The following CSMD2 variants were observed in gnomAD, a reference collection of about 807,000 sequenced individuals.
The protein encoded by CSMD2 is CUB and Sushi multiple domains 2.
In CSMD2, 130 loss-of-function variants were observed where a neutral mutation model predicts 398.5. The observed-to-expected ratio is 0.33, with a 90% CI of 0.28 to 0.38. The LOEUF (loss-of-function observed/expected upper bound fraction) is 0.38. CSMD2 is among the 10% of genes least tolerant of loss of function. CSMD2 has a pLI of 1.00. For synonymous variants in CSMD2, 1,828 were observed against 1,908.5 expected (o/e 0.96, Z 1.10); for missense variants, 3,829 against 4,764.9 (o/e 0.80, Z 5.78).
At chr1:34,098,073 C>T (rs1659549848) in intron 1 of CSMD2, among the ~76,000 whole-genome samples, 1 of 86,280 alleles carries the variant, frequency 1.2e-5, no homozygotes, top group Non-Finnish European at 2.2e-5. Flanking sequence ...CCATGGAATA[C>T]TATGCAGCCA....
At chr1:33,597,908 G>A (rs1639944921) in intron 44 of CSMD2, among the ~76,000 whole-genome samples, 1 of 152,226 alleles carries the variant, frequency 6.6e-6, no homozygotes, top group Non-Finnish European at 1.5e-5. Flanking sequence ...TGAGTTAAGT[G>A]CAGTCACGTG....
chr1:33,816,577 C>G (rs1218174317), intron 9 of CSMD2, among the ~76,000 whole-genome samples: 1 of 152,180 alleles, frequency 6.6e-6, no homozygotes, highest in Non-Finnish European at 1.5e-5. Flanking sequence ...TAAAATAAGT[C>G]TGAAAAGCTC....
chr1:33,634,802 C>T (rs2148912747), intron 31 of CSMD2, among the ~76,000 whole-genome samples: 1 of 152,240 alleles, frequency 6.6e-6, no homozygotes, highest in East Asian at 1.9e-4. Flanking sequence ...TGGTCTCCCT[C>T]ACCTGCACTT....
chr1:33,650,225 C>T lies in CSMD2; in HGVS notation c.4586+2098G>A, dbSNP rs555695606. The stretch of plus-strand genomic sequence containing the variant: ...CAAGGACATGGGGACATGTAAGACA[C>T]CACTTCTGCCTTCAAAAATTGATGG... On this transcript the variant is annotated intron_variant, in intron 28 of 70. Transcript: ENST00000373381. Among the ~76,000 whole-genome samples, 20 of 152,284 alleles carry T rather than the reference C, an allele frequency of 1.3e-4. No homozygotes were observed. The South Asian group carries it at 2.1e-3, about 16-fold the overall frequency.
intron 9 of CSMD2, among the ~76,000 whole-genome samples, chr1:33,812,077 G>T (rs1290621420): frequency 2.0e-5 from 3 of 152,184 alleles, no homozygotes; most frequent in African/African-American, 7.2e-5. Context: ...GCAGCTCCTA[G>T]ACATAATGAA....
At chr1:33,907,929 A>G (rs1410769551) in intron 5 of CSMD2, among the ~76,000 whole-genome samples, 1 of 152,060 alleles carries the variant, frequency 6.6e-6, no homozygotes, top group Non-Finnish European at 1.5e-5. Flanking sequence ...TCTCCTAAAA[A>G]TACAAAAATT....
At chr1:34,115,440 A>T (rs1360571315) in intron 1 of CSMD2, among the ~76,000 whole-genome samples, 1 of 152,158 alleles carries the variant, frequency 6.6e-6, no homozygotes, top group Non-Finnish European at 1.5e-5. Context: ...AAGAGGTGAT[A>T]TATTCAAAGT....
intron 43 of CSMD2, 56 bp downstream of exon 43, chr1:33,602,313 G>A (rs1279640532): frequency 1.3e-6 from 2 of 1,583,044 alleles, no homozygotes; most frequent in African/African-American, 2.7e-5. Context: ...GTAACCCAGT[G>A]TAGAACCCCA....
intron 6 of CSMD2, among the ~76,000 whole-genome samples, chr1:33,843,514 G>T (rs1261822715): frequency 6.6e-6 from 1 of 152,178 alleles, no homozygotes; most frequent in African/African-American, 2.4e-5. Context: ...CCACAAAGCT[G>T]ACTGTGGGTG....
At chr1:33,648,961 CA>C (rs1406506356) in intron 28 of CSMD2, among the ~76,000 whole-genome samples, 1 of 152,136 alleles carries the variant, frequency 6.6e-6, no homozygotes, top group African/African-American at 2.4e-5. Flanking sequence ...TAGGGATGGA[CA>C]AAATGACTGG....
intron 68 of CSMD2, among the ~76,000 whole-genome samples, chr1:33,521,141 A>T (rs1220580209): frequency 6.6e-6 from 1 of 152,194 alleles, no homozygotes; most frequent in Non-Finnish European, 1.5e-5. Flanking sequence ...TTGTTGAGGC[A>T]GGGGTGACAC....
chr1:34,086,750 C>T (rs565547261), intron 2 of CSMD2, among the ~76,000 whole-genome samples: 3 of 152,176 alleles, frequency 2.0e-5, no homozygotes, highest in African/African-American at 7.2e-5. Context: ...ATTTTCCCCA[C>T]GATGGCAAAG....
chr1:33,602,564 C>A lies in CSMD2; in HGVS notation c.6533-18G>T, dbSNP rs750574178. ...ACAAGGGACTGCCAGGGAGGGAACA[C>A]AAACGTAAGTGCAGGGCCTCGGTAC... On this transcript the variant is annotated intron_variant, in intron 42 of 70. Transcript: ENST00000373381. 8 of 1,572,888 alleles carry A rather than the reference C, an allele frequency of 5.1e-6. No homozygotes were observed. Among genetic ancestry groups the A allele is most frequent in the Non-Finnish European group, 6.9e-6 (8 of 1,159,220 alleles).
chr1:33,640,870 G>A (rs1643065351), intron 29 of CSMD2, among the ~76,000 whole-genome samples: 1 of 152,162 alleles, frequency 6.6e-6, no homozygotes, highest in African/African-American at 2.4e-5. Flanking sequence ...GTGGGAATAG[G>A]GGTGGTAGCA....
intron 3 of CSMD2, among the ~76,000 whole-genome samples, chr1:33,944,473 CT>C (rs1460324157): frequency 1.1e-4 from 17 of 152,230 alleles, no homozygotes; most frequent in African/African-American, 3.9e-4. Context: ...CAGGGAAGGG[CT>C]TGTGTATTTA....
chr1:34,000,837 T>C (rs992953647), intron 3 of CSMD2, among the ~76,000 whole-genome samples: 23 of 151,258 alleles, frequency 1.5e-4, no homozygotes, highest in Non-Finnish European at 3.1e-4. Flanking sequence ...AAAAGAAAAA[T>C]TGTAAGATAA....
chr1:34,104,939 C>T (rs985387482), intron 1 of CSMD2, among the ~76,000 whole-genome samples: 3 of 152,172 alleles, frequency 2.0e-5, no homozygotes, highest in African/African-American at 4.8e-5. Context: ...TTGCCTCATA[C>T]GCCCTTCCAC....
chr1:33,819,880 C>G (rs1206910820), intron 8 of CSMD2, 43 bp from the exon 9 acceptor site: 1 of 1,609,128 alleles, frequency 6.2e-7, no homozygotes, highest in South Asian at 1.1e-5. Context: ...CCTGGGCCTG[C>G]CAAGCCCCGC....
chr1:33,965,773 C>T (rs1284471708), intron 3 of CSMD2, among the ~76,000 whole-genome samples: 6 of 152,198 alleles, frequency 3.9e-5, no homozygotes, highest in Admixed American at 3.3e-4. Flanking sequence ...GAGCATAATA[C>T]CATGCATAGG....
Sources: allele counts gnomAD v4.1 joint callset (sites outside exome capture counted in the v4.1 genomes callset), GRCh38; gene constraint gnomAD v4.1.1; transcripts MANE v1.5; gene names NCBI Gene and HGNC (gene_info 2026-07-23, HGNC 2026-07-21).